Variants in DENND10 observed in about 807,000 individuals in gnomAD.
DENND10 encodes DENN domain-containing protein 10.
DENND10 carries 24 observed loss-of-function variants against 43.6 expected under a neutral mutation model. That is an observed-to-expected ratio of 0.55 (90% CI 0.40 to 0.77). The LOEUF (loss-of-function observed/expected upper bound fraction) is 0.77. Among genes scored for constraint, DENND10 ranks in the 30% least tolerant of loss-of-function variants. The probability of loss-of-function intolerance (pLI) is 0.00; values close to 1 mark genes in which losing one functional copy is unlikely to be tolerated. For missense variants in DENND10, 303 were observed against 429.9 expected, an observed-to-expected ratio of 0.70 and a Z score of 2.61; for synonymous variants, 125 against 157.6, an observed-to-expected ratio of 0.79 and a Z score of 1.55.
At chr10:119,115,867 A>C (rs1222363310) in intron 3 of DENND10, among the ~76,000 whole-genome samples, 3 of 148,836 alleles carry the variant, frequency 2.0e-5, no homozygotes, top group African/African-American at 7.5e-5. Flanking sequence ...GGGTTCAAGC[A>C]ATTCTTCTGC....
Position 119,136,802 on chromosome 10 carries a change from A to G in DENND10, c.*155A>G, listed in dbSNP as rs1846382506. ...TTGAGATTTGACCTGAAAAACAATGAAACACATGAACACACTTCCGATTTT... is the reference window on the plus strand; with the variant it reads ...TTGAGATTTGACCTGAAAAACAATGGAACACATGAACACACTTCCGATTTT... On this transcript the variant is annotated 3_prime_UTR_variant, in exon 9 of 9. Coordinates refer to ENST00000361432, the MANE Select transcript of DENND10 (RefSeq NM_207009.4). 4.0e-6 allele frequency: 2 copies of G among 502,310 alleles called. No individual in the cohort carries two copies. 31.1% of individuals were successfully genotyped at this position (502,310 alleles called of 1,614,324 possible). A position where few individuals can be genotyped will look rare whatever the true frequency, so the allele number is the denominator to read the frequency against.
Position 119,115,382 on chromosome 10 carries a change from A to ATTTTTTTTTTTTTTTT in DENND10, c.333-2129_333-2114dup, listed in dbSNP as rs397845392. On this transcript the variant is annotated intron_variant, in intron 3 of 8. Transcript: ENST00000361432. ...CGTCAAGTTGTGAATTGAATTGGTA[A>ATTTTTTTTTTTTTTTT]TTTTTTTTTTTTTTTTTTTTTTTGA... is the stretch of plus-strand genomic sequence containing the variant. 4.5e-3 allele frequency among the ~76,000 whole-genome samples: 219 copies of ATTTTTTTTTTTTTTTT among 48,396 alleles called. 37 individuals carry two copies. Among genetic ancestry groups the ATTTTTTTTTTTTTTTT allele is most frequent in the South Asian group, 9.4e-3 (7 of 742 alleles). 31.7% of individuals were successfully genotyped at this position (48,396 alleles called of 152,430 possible).
chr10:119,116,400 C>T (rs1412837536), intron 3 of DENND10, among the ~76,000 whole-genome samples: 1 of 152,160 alleles, frequency 6.6e-6, no homozygotes, highest in African/African-American at 2.4e-5. Context: ...CAACTAATTA[C>T]TGGTTTCTCT....
chr10:119,135,410 C>A (rs1846281400), intron 8 of DENND10, among the ~76,000 whole-genome samples: 1 of 152,040 alleles, frequency 6.6e-6, no homozygotes, highest in South Asian at 2.1e-4. Flanking sequence ...TCTTTATATA[C>A]AGTAGAATAT....
chr10:119,135,808 A>AAAAAAAAAAAAAAAAAAC (rs1846319653), intron 8 of DENND10, among the ~76,000 whole-genome samples: 1 of 150,118 alleles, frequency 6.7e-6, no homozygotes, highest in Middle Eastern at 3.2e-3. Flanking sequence ...AAAAAAAAAA[A>AAAAAAAAAAAAAAAAAAC]AAAAAAAACC....
At chr10:119,117,369 C>T in intron 3 of DENND10, 150 bp from the exon 4 acceptor site, 1 of 799,918 alleles carries the variant, frequency 1.3e-6, no homozygotes, top group Non-Finnish European at 2.0e-6. Flanking sequence ...GAGACTCTGT[C>T]TCAAAAAAAA....
chr10:119,115,580 G>A (rs529883558), intron 3 of DENND10, among the ~76,000 whole-genome samples: 33 of 135,984 alleles, frequency 2.4e-4, no homozygotes, highest in Non-Finnish European at 4.3e-4. Context: ...TAGTAGAGAC[G>A]GGGTTTCACC....
At chr10:119,135,983 C>T (rs1223789561) in intron 8 of DENND10, among the ~76,000 whole-genome samples, 2 of 151,906 alleles carry the variant, frequency 1.3e-5, no homozygotes, top group Non-Finnish European at 2.9e-5. Flanking sequence ...TGAGACCAGC[C>T]TGGGCAACAT....
intron 8 of DENND10, among the ~76,000 whole-genome samples, chr10:119,135,601 C>A (rs1487745864): frequency 6.6e-6 from 1 of 151,662 alleles, no homozygotes; most frequent in East Asian, 1.9e-4. Flanking sequence ...CTAGAGCAGA[C>A]AAATTCACAG....
rs1844653882 is a variant in DENND10, at chr10:119,105,581, T to C, written c.55+1384T>C. On this transcript the variant is annotated intron_variant, in intron 1 of 8. Transcript: ENST00000361432. ...AACTTAGTTTCTCCAGAAGGTACTT[T>C]TGAACTAAGGCTAAGTTAAACTGTC... is the stretch of plus-strand genomic sequence containing the variant. The C allele has an allele frequency of 4.0e-6, 4 of 995,684 alleles. No individual in the cohort carries two copies. The South Asian group carries it at 8.9e-5, about 22-fold the overall frequency. The allele number at this position is 995,684 out of a possible 1,614,324, so 61.7% of individuals were successfully genotyped here.
At chr10:119,125,337 T>C (rs1406002645) in intron 6 of DENND10, among the ~76,000 whole-genome samples, 5 of 151,936 alleles carry the variant, frequency 3.3e-5, no homozygotes, top group African/African-American at 9.7e-5. Flanking sequence ...AACTTTTTAA[T>C]TGTTATGGGT....
intron 1 of DENND10, 135 bp from the exon 2 acceptor site, chr10:119,107,833 G>A: frequency 2.6e-6 from 2 of 760,148 alleles, no homozygotes; most frequent in Non-Finnish European, 4.6e-6. Context: ...GTGGGAATTT[G>A]GGGTGTCAGG....
chr10:119,126,771 A>G (rs908705089), intron 6 of DENND10, among the ~76,000 whole-genome samples: 1 of 150,264 alleles, frequency 6.7e-6, no homozygotes, highest in African/African-American at 2.4e-5. Flanking sequence ...AGCCGTCTGT[A>G]TTTTTTTTTA....
In DENND10 at chr10:119,132,662, T is replaced by TCA; in HGVS notation, c.897+53_897+54insCA. 2.1e-6 allele frequency: 3 copies of TCA among 1,448,246 alleles called. No homozygotes were observed. The highest frequency in any genetic ancestry group is 2.9e-6 in the Non-Finnish European group (3 of 1,028,588). The allele number at this position is 1,448,246 out of a possible 1,614,324, so 89.7% of individuals were successfully genotyped here. A position where few individuals can be genotyped will look rare whatever the true frequency, so the allele number is the denominator to read the frequency against. ...AAAGTCCTGACCCGGTGTCGCTGGG[T>TCA]GGTGTGCGGCAGAGCTGTGCACATA... On this transcript the variant is annotated intron_variant, in intron 8 of 8. Transcript: ENST00000361432. The surrounding 1 kb of genome is among the most constrained non-coding windows in gnomAD (Gnocchi z 4.2).
intron 1 of DENND10, among the ~76,000 whole-genome samples, chr10:119,106,480 A>C (rs934763304): frequency 3.9e-5 from 6 of 152,134 alleles, no homozygotes; most frequent in African/African-American, 1.4e-4. Context: ...AGCTGGGACC[A>C]TAGGCACACA....
At chr10:119,133,830 TTAGAG>T (rs72117344) in intron 8 of DENND10, 2,551 of 152,276 alleles carry the variant, frequency 0.017, 63 homozygotes, top group African/African-American at 0.059. Context: ...ACCCCCAACA[TTAGAG>T]TAAAGACATA....
At chr10:119,104,337 G>A in intron 1 of DENND10, 140 bp downstream of exon 1, 1 of 740,818 alleles carries the variant, frequency 1.3e-6, no homozygotes, top group South Asian at 2.3e-5. Context: ...GTTGGGCCTG[G>A]ACTGGGGACT....
intron 8 of DENND10, among the ~76,000 whole-genome samples, chr10:119,136,120 G>C (rs1846345710): frequency 6.6e-6 from 1 of 152,204 alleles, no homozygotes; most frequent in Non-Finnish European, 1.5e-5. Context: ...CGAGGCTGCA[G>C]TGAGCCATGA....
chr10:119,128,610 A>AC (rs1294035720), intron 6 of DENND10, among the ~76,000 whole-genome samples: 2 of 151,678 alleles, frequency 1.3e-5, no homozygotes, highest in African/African-American at 4.8e-5. Flanking sequence ...TGTCTCAAAA[A>AC]AAAAAAACAA....
Sources: allele counts gnomAD v4.1 joint callset (sites outside exome capture counted in the v4.1 genomes callset), GRCh38; gene constraint gnomAD v4.1.1; non-coding constraint Gnocchi (gnomAD v3.1); transcripts MANE v1.5; gene names NCBI Gene and HGNC (gene_info 2026-07-23, HGNC 2026-07-21).